AKT2: variants seen among roughly 807,000 people sequenced by gnomAD.
The protein encoded by AKT2 is RAC-beta serine/threonine-protein kinase.
Under a neutral mutation model 58.6 loss-of-function variants are expected in AKT2, and 16 were observed. That is an observed-to-expected ratio of 0.27 (90% CI 0.18 to 0.41). The LOEUF is 0.41. Ranked by LOEUF, AKT2 falls within the 10% of genes least tolerant of loss-of-function variation. The pLI is 1.00. For synonymous variants in AKT2, 253 were observed against 254.0 expected (o/e 1.00, Z 0.04); for missense variants, 438 against 661.0 (o/e 0.66, Z 3.70).
At chr19:40,240,402 G>A in intron 6 of AKT2, 1 of 621,806 alleles carries the variant, frequency 1.6e-6, no homozygotes. Context: ...GAGACAAACA[G>A]ACATCACGAG....
At position 40,234,124 on chromosome 19, in the gene AKT2, G is replaced by C. The variant is rs1568514824; in HGVS notation, c.1367-173C>G. ...AGCCACGGACCCACTCCCCAAACCT[G>C]AGCCCCGGGCGGCCTCCTCTGGGAG... On this transcript the variant is annotated intron_variant, in intron 13 of 13. Coordinates refer to ENST00000392038, the MANE Select transcript of AKT2 (RefSeq NM_001626.6). The surrounding 1 kb of genome is among the most constrained non-coding windows in gnomAD (Gnocchi z 4.7). Among the ~76,000 whole-genome samples the C allele has an allele frequency of 6.6e-6, 1 of 152,124 alleles. No homozygotes were observed. The highest frequency in any genetic ancestry group is 1.9e-4 in the East Asian group (1 of 5,180).
At position 40,231,364 on chromosome 19, in the gene AKT2, A is replaced by C. The variant is rs958461774; in HGVS notation, c.*2508T>G. On this transcript the variant is annotated 3_prime_UTR_variant, in exon 14 of 14. Coordinates refer to ENST00000392038, the MANE Select transcript of AKT2 (RefSeq NM_001626.6). Reference sequence around the variant, plus strand: ...ATGGAAGAGTAAAAGGCCTTTCTTCATAGGCCTGCCTATTTTATGACCACC... The same window carrying C: ...ATGGAAGAGTAAAAGGCCTTTCTTCCTAGGCCTGCCTATTTTATGACCACC... 4.3e-6 allele frequency: 1 copy of C among 233,084 alleles called. No individual in the cohort carries two copies. The highest frequency in any genetic ancestry group is 2.2e-5 in the African/African-American group (1 of 45,342). The allele number at this position is 233,084 out of a possible 1,614,324, so 14.4% of individuals were successfully genotyped here.
At chr19:40,284,901 G>GC in intron 1 of AKT2, 2 of 287,040 alleles carry the variant, frequency 7.0e-6, no homozygotes, top group Non-Finnish European at 1.3e-5. Flanking sequence ...GAAAGGTCCA[G>GC]CCCCCGGCCC....
chr19:40,275,764 T>C (rs1462483384), intron 1 of AKT2, among the ~76,000 whole-genome samples: 1 of 4,752 alleles, frequency 2.1e-4, no homozygotes. Context: ...TTTGGGAGGC[T>C]GGGGGGGGGG....
chr19:40,260,143 C>T (rs776941983), intron 2 of AKT2, among the ~76,000 whole-genome samples: 4 of 151,446 alleles, frequency 2.6e-5, no homozygotes, highest in African/African-American at 9.7e-5. Flanking sequence ...CAGAGCAAGA[C>T]TCTGTCTCAA....
At chr19:40,267,717 G>A (rs1409923628) in intron 1 of AKT2, among the ~76,000 whole-genome samples, 1 of 152,180 alleles carries the variant, frequency 6.6e-6, no homozygotes, top group African/African-American at 2.4e-5. Context: ...CTCTCTTCAT[G>A]ACACCAATCT....
At chr19:40,245,113 T>G (rs1276071888) in intron 4 of AKT2, among the ~76,000 whole-genome samples, 1 of 152,152 alleles carries the variant, frequency 6.6e-6, no homozygotes, top group Non-Finnish European at 1.5e-5. Context: ...CACAGCAGTG[T>G]TTAATACACA....
At position 40,235,152 on chromosome 19, in the gene AKT2, G is replaced by A. The variant is rs753567757; in HGVS notation, c.1264-5C>T. 3.2e-5 allele frequency: 52 copies of A among 1,613,910 alleles called. No individual in the cohort carries two copies. Among genetic ancestry groups the A allele is most frequent in the African/African-American group, 4.0e-5 (3 of 74,914 alleles). On this transcript the variant is annotated splice_polypyrimidine_tract_variant and splice_region_variant and intron_variant, in intron 12 of 13. Transcript: ENST00000392038. The surrounding 1 kb of genome is among the most constrained non-coding windows in gnomAD (Gnocchi z 6.3). ...AGGTTTGAAGGGTGGCAGGAGCTAC[G>A]GAGGAGAGGAGCTCAGGCTCAGGGA... is the stretch of plus-strand genomic sequence containing the variant.
chr19:40,250,195 A>C (rs1466555567), intron 4 of AKT2, among the ~76,000 whole-genome samples: 1 of 152,178 alleles, frequency 6.6e-6, no homozygotes, highest in Non-Finnish European at 1.5e-5. Flanking sequence ...CTAAGCAGAG[A>C]AAATACATGA....
intron 1 of AKT2, among the ~76,000 whole-genome samples, chr19:40,267,555 T>C (rs752109796): frequency 6.6e-6 from 1 of 152,178 alleles, no homozygotes; most frequent in East Asian, 1.9e-4. Flanking sequence ...GTGCTCTTTG[T>C]GCACCCTCGG....
At chr19:40,249,852 A>T (rs1975014526) in intron 4 of AKT2, among the ~76,000 whole-genome samples, 1 of 152,270 alleles carries the variant, frequency 6.6e-6, no homozygotes. Context: ...GCTATGAAGA[A>T]AAGCACAGCT....
At chr19:40,278,934 G>A (rs913403507) in intron 1 of AKT2, among the ~76,000 whole-genome samples, 2 of 151,568 alleles carry the variant, frequency 1.3e-5, no homozygotes, top group East Asian at 1.9e-4. Context: ...CTACCCCCGG[G>A]ACCAGGTCAC....
intron 1 of AKT2, among the ~76,000 whole-genome samples, chr19:40,275,982 A>C (rs2077314632): frequency 6.6e-6 from 1 of 151,096 alleles, no homozygotes; most frequent in South Asian, 2.1e-4. Flanking sequence ...ACTGCACTCC[A>C]GCCTGGGTGA....
At chr19:40,275,831 G>T (rs1030019255) in intron 1 of AKT2, among the ~76,000 whole-genome samples, 3 of 138,118 alleles carry the variant, frequency 2.2e-5, no homozygotes, top group African/African-American at 7.9e-5. Flanking sequence ...TGGCCAAGAT[G>T]GTGAAACCCT....
intron 1 of AKT2, chr19:40,273,447 C>T (rs1006710249): frequency 6.7e-6 from 1 of 149,684 alleles, no homozygotes; most frequent in Admixed American, 6.7e-5. Flanking sequence ...TATTCTACCT[C>T]CTTGGTGAGA....
intron 1 of AKT2, among the ~76,000 whole-genome samples, chr19:40,280,341 G>A (rs1304459262): frequency 6.6e-6 from 1 of 152,202 alleles, no homozygotes; most frequent in Non-Finnish European, 1.5e-5. Flanking sequence ...GGGCTCTGGA[G>A]AACACGGTGT....
At chr19:40,256,623 T>C (rs1975560065) in intron 3 of AKT2, among the ~76,000 whole-genome samples, 1 of 152,172 alleles carries the variant, frequency 6.6e-6, no homozygotes, top group South Asian at 2.1e-4. Flanking sequence ...GGGAGGCACC[T>C]GCCACCAGTT....
intron 2 of AKT2, among the ~76,000 whole-genome samples, chr19:40,259,612 T>G (rs1192577290): frequency 6.6e-6 from 1 of 152,148 alleles, no homozygotes; most frequent in Non-Finnish European, 1.5e-5. Context: ...CCTTTGTGCA[T>G]GAAAGGACAC....
intron 1 of AKT2, among the ~76,000 whole-genome samples, chr19:40,281,571 C>T (rs948122499): frequency 1.3e-5 from 2 of 152,118 alleles, no homozygotes; most frequent in Non-Finnish European, 2.9e-5. Context: ...CTCAGGGCTG[C>T]AAAGCCACTG....
Sources: allele counts gnomAD v4.1 joint callset (sites outside exome capture counted in the v4.1 genomes callset), GRCh38; gene constraint gnomAD v4.1.1; non-coding constraint Gnocchi (gnomAD v3.1); transcripts MANE v1.5; gene names NCBI Gene and HGNC (gene_info 2026-07-23, HGNC 2026-07-21).